The following B3GALT1 variants were observed in gnomAD, a reference collection of about 807,000 sequenced individuals.
The protein encoded by B3GALT1 is beta-1,3-galactosyltransferase 1, also known as UDP-Gal:betaGlcNAc beta 1,3-galactosyltransferase, polypeptide 1.
A neutral mutation model predicts 23.2 loss-of-function variants in B3GALT1; 10 were observed. The ratio of observed to expected loss-of-function variants is 0.43; its 90% CI spans 0.27 to 0.73. The LOEUF (loss-of-function observed/expected upper bound fraction) is 0.73, where lower values mean the gene tolerates loss of function less well. Ranked by LOEUF, B3GALT1 falls within the 30% of genes least tolerant of loss-of-function variation. The pLI, the probability that B3GALT1 is intolerant of heterozygous loss-of-function variation, is 0.21. For synonymous variants in B3GALT1, 156 were observed against 141.5 expected, an observed-to-expected ratio of 1.10 and a Z score of -0.73; for missense variants, 299 against 405.4, an observed-to-expected ratio of 0.74 and a Z score of 2.25.
At chr2:167,664,981 C>T (rs1422799195) in intron 3 of B3GALT1, among the ~76,000 whole-genome samples, 1 of 150,990 alleles carries the variant, frequency 6.6e-6, no homozygotes. Context: ...TTGCCCTGGC[C>T]AGAACTTCCA....
intron 3 of B3GALT1, among the ~76,000 whole-genome samples, chr2:167,718,972 A>G (rs1000036628): frequency 6.6e-6 from 1 of 152,226 alleles, no homozygotes; most frequent in African/African-American, 2.4e-5. Flanking sequence ...ATAGGTAGAT[A>G]GGAATTCTAG....
At chr2:167,722,821 A>G (rs1056222460) in intron 3 of B3GALT1, among the ~76,000 whole-genome samples, 3 of 152,220 alleles carry the variant, frequency 2.0e-5, no homozygotes, top group East Asian at 1.9e-4. Context: ...AACCGGGGAC[A>G]TAAAACTGAA....
At chr2:167,402,674 C>CA (rs1375929344) in intron 1 of B3GALT1, among the ~76,000 whole-genome samples, 8 of 152,038 alleles carry the variant, frequency 5.3e-5, no homozygotes, top group Admixed American at 4.6e-4. Context: ...TATGATAATA[C>CA]AACCAGTAAG....
chr2:167,571,784 G>T (rs1320169928), intron 2 of B3GALT1, among the ~76,000 whole-genome samples: 3 of 151,844 alleles, frequency 2.0e-5, no homozygotes, highest in Non-Finnish European at 4.4e-5. Context: ...ATACATGCCG[G>T]CATGAGTTAG....
In B3GALT1 at chr2:167,512,635, TACA is replaced by T. The variant is rs1558887946; in HGVS notation, c.-410+22359_-410+22361del. Among the ~76,000 whole-genome samples the T allele has an allele frequency of 4.5e-3, 396 of 88,920 alleles. 2 individuals carry two copies. Among genetic ancestry groups the T allele is most frequent in the Admixed American group, 0.01 (84 of 8,080 alleles). The allele number at this position is 88,920 out of a possible 152,430, so 58.3% of individuals were successfully genotyped here. On this transcript the variant is annotated intron_variant, in intron 2 of 4. Coordinates refer to ENST00000392690, the MANE Select transcript of B3GALT1 (RefSeq NM_020981.4). ...ATATATATATACGTGTATATATATA[TACA>T]TATATATATATATTTTGAGATAGGG...
chr2:167,724,714 C>T (rs1370173395), intron 3 of B3GALT1, among the ~76,000 whole-genome samples: 1 of 152,026 alleles, frequency 6.6e-6, no homozygotes, highest in East Asian at 1.9e-4. Context: ...TACAAATCAG[C>T]GAGAAGATGA....
At chr2:167,607,421 A>G (rs1470478312) in intron 2 of B3GALT1, among the ~76,000 whole-genome samples, 1 of 152,132 alleles carries the variant, frequency 6.6e-6, no homozygotes, top group South Asian at 2.1e-4. Flanking sequence ...GCCTACCTGC[A>G]ATTAGTCAGA....
chr2:167,696,171 A>G (rs535484812), intron 3 of B3GALT1, among the ~76,000 whole-genome samples: 1 of 152,216 alleles, frequency 6.6e-6, no homozygotes, highest in African/African-American at 2.4e-5. Context: ...ATAGATTTCA[A>G]AACCTAACTT....
At chr2:167,403,293 A>G (rs987680429) in intron 1 of B3GALT1, among the ~76,000 whole-genome samples, 11 of 150,942 alleles carry the variant, frequency 7.3e-5, no homozygotes, top group African/African-American at 2.4e-4. Context: ...TGTCCTTGCA[A>G]TAGTTTGCTG....
intron 1 of B3GALT1, among the ~76,000 whole-genome samples, chr2:167,319,236 A>T (rs1207244299): frequency 6.6e-6 from 1 of 152,108 alleles, no homozygotes; most frequent in Non-Finnish European, 1.5e-5. Context: ...TCGTTTCTAC[A>T]ATAGGCAGAT....
chr2:167,669,013 A>G (rs1264123050), intron 3 of B3GALT1, among the ~76,000 whole-genome samples: 2 of 152,158 alleles, frequency 1.3e-5, no homozygotes, highest in Non-Finnish European at 2.9e-5. Context: ...TGCCTTCTTT[A>G]TATAAAGTTG....
chr2:167,300,895 A>C (rs1696433026), intron 1 of B3GALT1, among the ~76,000 whole-genome samples: 1 of 152,218 alleles, frequency 6.6e-6, no homozygotes, highest in Non-Finnish European at 1.5e-5. Context: ...CACAATTACA[A>C]GTAAATGGAA....
intron 3 of B3GALT1, among the ~76,000 whole-genome samples, chr2:167,676,048 C>T (rs1686418410): frequency 6.6e-6 from 1 of 151,924 alleles, no homozygotes; most frequent in Non-Finnish European, 1.5e-5. Context: ...CCACTATTTC[C>T]ACCCTGTGTT....
chr2:167,580,905 T>C (rs1326685855), intron 2 of B3GALT1, among the ~76,000 whole-genome samples: 1 of 152,182 alleles, frequency 6.6e-6, no homozygotes, highest in Non-Finnish European at 1.5e-5. Context: ...GGAGAGACAC[T>C]GATATGTGTT....
chr2:167,545,237 G>C (rs991670539), intron 2 of B3GALT1, among the ~76,000 whole-genome samples: 4 of 151,840 alleles, frequency 2.6e-5, no homozygotes, highest in Non-Finnish European at 4.4e-5. Flanking sequence ...GGGTTTCACT[G>C]TGTTAGCCAG....
rs557450316 is a variant in B3GALT1, at chr2:167,561,355, A to G, written c.-410+71078A>G. 3.9e-5 allele frequency among the ~76,000 whole-genome samples: 6 copies of G among 152,342 alleles called. No homozygotes were observed. The South Asian group carries it at 1.2e-3, about 32-fold the overall frequency. ...CTAAATGCCCACAAGAGAAAGCAGGAAAGATCCAAAATTGACACCCTAACA... is the reference window on the plus strand; with the variant it reads ...CTAAATGCCCACAAGAGAAAGCAGGGAAGATCCAAAATTGACACCCTAACA... On this transcript the variant is annotated intron_variant, in intron 2 of 4. Transcript: ENST00000392690.
intron 2 of B3GALT1, among the ~76,000 whole-genome samples, chr2:167,504,217 G>A (rs919225748): frequency 2.6e-5 from 4 of 152,316 alleles, no homozygotes; most frequent in Admixed American, 2.6e-4. Context: ...TAGATTGAAT[G>A]TCTTCTATTA....
At chr2:167,795,213 T>C (rs1157164681) in intron 3 of B3GALT1, among the ~76,000 whole-genome samples, 1 of 152,188 alleles carries the variant, frequency 6.6e-6, no homozygotes, top group Admixed American at 6.5e-5. Flanking sequence ...CATGAACCTA[T>C]GTAGAAGATA....
At position 167,644,779 on chromosome 2, in the gene B3GALT1, TAAAAAAAAAAA is replaced by T. The variant is rs199652424; in HGVS notation, c.-409-2115_-409-2105del. On this transcript the variant is annotated intron_variant, in intron 2 of 4. Coordinates refer to ENST00000392690, the MANE Select transcript of B3GALT1 (RefSeq NM_020981.4). Reference sequence around the variant, plus strand: ...TGGGTGACAGAGTGAGACTCTGTCTTAAAAAAAAAAAAAAAAAAAAAAAAAGAATTTACTGG... The same window carrying T: ...TGGGTGACAGAGTGAGACTCTGTCTTAAAAAAAAAAAAAAGAATTTACTGG... Among the ~76,000 whole-genome samples the T allele has an allele frequency of 4.4e-4, 40 of 91,164 alleles. No individual in the cohort carries two copies. The East Asian group carries it at 5.1e-3, about 12-fold the overall frequency. 59.8% of individuals were successfully genotyped at this position (91,164 alleles called of 152,430 possible).
Sources: allele counts gnomAD v4.1 joint callset (sites outside exome capture counted in the v4.1 genomes callset), GRCh38; gene constraint gnomAD v4.1.1; transcripts MANE v1.5; gene names NCBI Gene and HGNC (gene_info 2026-07-23, HGNC 2026-07-21).